Variants in RCC2 observed in about 807,000 individuals in gnomAD.
RCC2 encodes the protein protein RCC2.
RCC2 carries 19 observed loss-of-function variants against 64.1 expected under a neutral mutation model. The observed-to-expected ratio is 0.30, with a 90% confidence interval of 0.21 to 0.44. The LOEUF (loss-of-function observed/expected upper bound fraction) is 0.44, where lower values mean the gene tolerates loss of function less well. Ranked by LOEUF, RCC2 falls within the 20% of genes least tolerant of loss-of-function variation. The pLI is 1.00. For synonymous variants in RCC2, 325 were observed against 279.6 expected, an observed-to-expected ratio of 1.16 and a Z score of -1.62; for missense variants, 508 against 710.4, an observed-to-expected ratio of 0.72 and a Z score of 3.24.
chr1:17,413,411 C>A, intron 9 of RCC2, 126 bp downstream of exon 9: 3 of 1,086,376 alleles, frequency 2.8e-6, no homozygotes, highest in South Asian at 2.7e-5. Flanking sequence ...ACAACGAGTT[C>A]CTGTCTCAAA....
intron 3 of RCC2, among the ~76,000 whole-genome samples, chr1:17,426,759 CTTTTTTTTTTTTTT>C (rs146347066): frequency 1.8e-4 from 20 of 109,998 alleles, no homozygotes; most frequent in African/African-American, 2.5e-4. Flanking sequence ...TCTTACTTTT[CTTTTTTTTTTTTTT>C]TTTTTTTTTT....
In RCC2 at chr1:17,408,864, AT is replaced by A. The variant is rs1166745718; in HGVS notation, c.*225del. On this transcript the variant is annotated 3_prime_UTR_variant, in exon 13 of 13. Transcript: ENST00000375436. ...AATGGTAAATCAACTATGAGCAAGT[AT>A]TTTAATTCAACATTAAGGGAAAAAA... 1 of 496,790 alleles carries A rather than the reference AT, an allele frequency of 2.0e-6. No homozygotes were observed. Among genetic ancestry groups the A allele is most frequent in the African/African-American group, 1.9e-5 (1 of 52,266 alleles). 30.8% of individuals were successfully genotyped at this position (496,790 alleles called of 1,614,324 possible).
chr1:17,412,269 T>A (rs2075435284), intron 10 of RCC2, 75 bp from the exon 11 acceptor site: 3 of 1,401,254 alleles, frequency 2.1e-6, no homozygotes, highest in Non-Finnish European at 3.0e-6. Flanking sequence ...CTCAAGGGCA[T>A]GAGTGTGAGC....
chr1:17,431,205 G>C (rs2075671763), intron 2 of RCC2, among the ~76,000 whole-genome samples: 1 of 149,234 alleles, frequency 6.7e-6, no homozygotes, highest in Admixed American at 6.7e-5. Flanking sequence ...ATGGTGACCG[G>C]CACCTGTAGT....
intron 12 of RCC2, among the ~76,000 whole-genome samples, chr1:17,409,494 C>G (rs935088364): frequency 3.9e-5 from 6 of 152,210 alleles, no homozygotes; most frequent in South Asian, 2.1e-4. Context: ...TCCATCCCCC[C>G]CCTCTCTGGC....
chr1:17,416,426 A>T, intron 8 of RCC2, 54 bp downstream of exon 8: 2 of 1,552,032 alleles, frequency 1.3e-6, no homozygotes, highest in Non-Finnish European at 1.7e-6. Context: ...TTGAGCATAA[A>T]CACCCCTTCC....
At position 17,411,991 on chromosome 1, in the gene RCC2, T is replaced by C. The variant is rs115381011; in HGVS notation, c.1386+131A>G. ...TGGGACTCAATCGTGTTGCAAACCTTAATACAATAAGGGGGGAATCCCAAA... is the reference window on the plus strand; with the variant it reads ...TGGGACTCAATCGTGTTGCAAACCTCAATACAATAAGGGGGGAATCCCAAA... On this transcript the variant is annotated intron_variant, in intron 11 of 12. Transcript: ENST00000375436. 4,947 of 788,668 alleles carry C rather than the reference T, an allele frequency of 6.3e-3. 29 individuals are homozygous for C. Among genetic ancestry groups the C allele is most frequent in the Non-Finnish European group, 8.7e-3 (4,011 of 458,720 alleles). 48.9% of individuals were successfully genotyped at this position (788,668 alleles called of 1,614,324 possible). A position where few individuals can be genotyped will look rare whatever the true frequency, so the allele number is the denominator to read the frequency against.
At chr1:17,437,324 T>A (rs1257893991) in intron 2 of RCC2, among the ~76,000 whole-genome samples, 4 of 152,204 alleles carry the variant, frequency 2.6e-5, no homozygotes, top group Non-Finnish European at 4.4e-5. Flanking sequence ...CTGGGGGTTA[T>A]CTGAGAATCT....
chr1:17,436,878 AAGG>A (rs1441870824), intron 2 of RCC2, among the ~76,000 whole-genome samples: 1 of 152,198 alleles, frequency 6.6e-6, no homozygotes, highest in African/African-American at 2.4e-5. Flanking sequence ...CTAGACGTCA[AAGG>A]AAAACAGTTC....
At chr1:17,433,046 G>C (rs150908256) in intron 2 of RCC2, among the ~76,000 whole-genome samples, 4 of 151,888 alleles carry the variant, frequency 2.6e-5, no homozygotes, top group Non-Finnish European at 4.4e-5. Context: ...ATATACATAC[G>C]TGTGTATACA....
At chr1:17,410,678 G>C (rs943232566) in intron 11 of RCC2, among the ~76,000 whole-genome samples, 3 of 152,034 alleles carry the variant, frequency 2.0e-5, no homozygotes, top group Non-Finnish European at 2.9e-5. Flanking sequence ...CACAGGGCGG[G>C]AGAGGAGGAC....
Position 17,425,622 on chromosome 1 carries a change from C to T in RCC2, c.442G>A (p.Val148Ile), listed in dbSNP as rs1380667228. Residue 148 changes from valine (V) to isoleucine (I), a missense_variant, in exon 4 of 13, where the codon GTC becomes ATC. Physicochemically the swap from Val to Ile is conservative, Grantham distance 29. Around this residue, in one of 4 missense-constraint regions of RCC2, gnomAD observed 132 missense variants for 207.3 expected, o/e 0.64. Transcript: ENST00000375436. ...GPHRYGCLAG[V>I]RVRTVVSGSC... The stretch of plus-strand genomic sequence containing the variant: ...CCCGAGACCACTGTCCGCACCCGGA[C>T]CCCCGCCAGGCACCCATATCTGTGG... 1.2e-6 allele frequency: 2 copies of T among 1,614,088 alleles called. No individual in the cohort carries two copies. The highest frequency in any genetic ancestry group is 8.5e-7 in the Non-Finnish European group (1 of 1,179,990).
At chr1:17,432,501 G>A (rs374041388) in intron 2 of RCC2, among the ~76,000 whole-genome samples, 3 of 152,224 alleles carry the variant, frequency 2.0e-5, no homozygotes, top group South Asian at 2.1e-4. Context: ...AGACCAGGCA[G>A]GCGGAGGTTC....
intron 2 of RCC2, among the ~76,000 whole-genome samples, chr1:17,431,359 A>AAAAATATATATAT (rs1553158471): frequency 4.5e-5 from 2 of 44,938 alleles, no homozygotes; most frequent in African/African-American, 1.1e-4. Context: ...AAAAAAAAAA[A>AAAAATATATATAT]ATATATATAT....
chr1:17,433,839 GGTAA>G (rs1251398093), intron 2 of RCC2, among the ~76,000 whole-genome samples: 2 of 151,716 alleles, frequency 1.3e-5, no homozygotes, highest in South Asian at 4.2e-4. Flanking sequence ...GCTCCGGGGA[GGTAA>G]GACCCCCGGG....
chr1:17,413,651 C>A lies in RCC2; in HGVS notation c.1093G>T (p.Ala365Ser), dbSNP rs757967054. Residue 365 changes from alanine (A) to serine (S), a missense_variant, in exon 9 of 13, where the codon GCA (alanine) becomes TCA (serine). By Grantham distance (99) the Ala-to-Ser change is moderately conservative (BLOSUM62 1). Transcript: ENST00000375436. The stretch of plus-strand genomic sequence containing the variant: ...GGGACCATCTCATCCTTCTGCTCTG[C>A]GTGGCCCAGCCGGCCATAGCCACCA... The part of the protein sequence containing the change: ...GFGGYGRLGH[A>S]EQKDEMVPRL... 4 of 1,614,162 alleles carry A rather than the reference C, an allele frequency of 2.5e-6. No individual in the cohort carries two copies. The Admixed American group carries it at 5.0e-5, about 20-fold the overall frequency.
chr1:17,433,816 G>A (rs1399167486), intron 2 of RCC2, among the ~76,000 whole-genome samples: 1 of 152,194 alleles, frequency 6.6e-6, no homozygotes, highest in Non-Finnish European at 1.5e-5. Flanking sequence ...ATAGGTCCAT[G>A]TAGAAGACCG....
intron 7 of RCC2, 109 bp downstream of exon 7, chr1:17,420,605 T>G (rs555306811): frequency 4.8e-6 from 3 of 625,560 alleles, no homozygotes; most frequent in Non-Finnish European, 8.1e-6. Flanking sequence ...GGCTATTATC[T>G]GAGATCAATT....
chr1:17,435,622 G>A (rs548286977), intron 2 of RCC2, among the ~76,000 whole-genome samples: 49 of 152,336 alleles, frequency 3.2e-4, no homozygotes, highest in African/African-American at 1.1e-3. Flanking sequence ...ACCCAGCCCC[G>A]AACATGGACC....
Sources: allele counts gnomAD v4.1 joint callset (sites outside exome capture counted in the v4.1 genomes callset), GRCh38; gene constraint gnomAD v4.1.1; regional missense constraint gnomAD v4.1.1; transcripts MANE v1.5; gene names NCBI Gene and HGNC (gene_info 2026-07-23, HGNC 2026-07-21).